FAM227B: variants seen among roughly 807,000 people sequenced by gnomAD.
FAM227B encodes the protein protein FAM227B.
FAM227B carries 88 observed loss-of-function variants against 73.8 expected under a neutral mutation model. The ratio of observed to expected loss-of-function variants is 1.19; its 90% CI spans 1.00 to 1.42. The LOEUF is 1.42. Among genes scored for constraint, FAM227B ranks in the 40% most tolerant of loss-of-function variants. The pLI is 0.00. For missense variants in FAM227B, 632 were observed against 590.9 expected, an observed-to-expected ratio of 1.07 and a Z score of -0.72; for synonymous variants, 210 against 190.5, an observed-to-expected ratio of 1.10 and a Z score of -0.84.
intron 3 of FAM227B, among the ~76,000 whole-genome samples, chr15:49,603,502 T>A (rs1159867815): frequency 8.2e-6 from 1 of 121,572 alleles, no homozygotes; most frequent in African/African-American, 2.6e-5. Flanking sequence ...GCTTACTGAA[T>A]TTTTTTACCA....
chr15:49,618,730 G>A (rs182863430), intron 1 of FAM227B, among the ~76,000 whole-genome samples: 1 of 152,172 alleles, frequency 6.6e-6, no homozygotes, highest in African/African-American at 2.4e-5. Context: ...AGTGGGTAAT[G>A]TCTGAAATTG....
rs548123577 is a variant in FAM227B at position 49,550,542 on chromosome 15, G to A, written c.748-8736C>T. Among the ~76,000 whole-genome samples the A allele has an allele frequency of 8.9e-4, 134 of 150,658 alleles. 5 individuals carry two copies. In the South Asian group the frequency reaches 0.026, roughly 30 times the overall value. On this transcript the variant is annotated intron_variant, in intron 9 of 15. Transcript: ENST00000299338. ...CTTCTCAGATGGGCGGCTGCCAGGC[G>A]GAGGGTCTCCTCACTTCTCAGACGG... is the stretch of plus-strand genomic sequence containing the variant.
chr15:49,472,572 A>C (rs2054873937), intron 11 of FAM227B, among the ~76,000 whole-genome samples: 1 of 152,218 alleles, frequency 6.6e-6, no homozygotes, highest in African/African-American at 2.4e-5. Context: ...TGGAAAAAGG[A>C]GAGAATAAAA....
rs2037930101 is a variant in FAM227B, at chr15:49,328,603, T to C, written c.1492A>G (p.Thr498Ala). Residue 498 changes from threonine to alanine, a missense_variant, in exon 16 of 16, where the codon ACA becomes GCA. Physicochemically the swap from Thr to Ala is moderately conservative, Grantham distance 58. Transcript: ENST00000299338. ...TCTTCCTCAAAGTTGTAGTTGTCTG[T>C]TGATGATGGTGATGATGATGATGAT... is the stretch of plus-strand genomic sequence containing the variant. ...SSSSSSSPSS[T>A]DNYNFEEEEY The C allele has an allele frequency of 1.3e-6, 2 of 1,594,604 alleles. No homozygotes were observed. Among genetic ancestry groups the C allele is most frequent in the African/African-American group, 2.7e-5 (2 of 74,816 alleles).
At chr15:49,517,529 A>G (rs993929165) in intron 10 of FAM227B, among the ~76,000 whole-genome samples, 2 of 152,186 alleles carry the variant, frequency 1.3e-5, no homozygotes, top group African/African-American at 4.8e-5. Flanking sequence ...TGAGAATTAG[A>G]CTCAGAAAAC....
At chr15:49,539,266 T>C (rs1252317665) in intron 10 of FAM227B, among the ~76,000 whole-genome samples, 2 of 152,200 alleles carry the variant, frequency 1.3e-5, no homozygotes, top group African/African-American at 2.4e-5. Context: ...GCAATGGCTG[T>C]GAGGGTTGTT....
At chr15:49,620,580 AAAT>A (rs1298622666) in intron 1 of FAM227B, 117 bp downstream of exon 1, 1 of 152,236 alleles carries the variant, frequency 6.6e-6, no homozygotes, top group Non-Finnish European at 1.5e-5. Flanking sequence ...ACAGCACACG[AAAT>A]AATGATATTG....
chr15:49,355,253 G>T (rs923271982), intron 13 of FAM227B, among the ~76,000 whole-genome samples: 1 of 152,226 alleles, frequency 6.6e-6, no homozygotes, highest in Non-Finnish European at 1.5e-5. Flanking sequence ...TGACTTTGAA[G>T]AGCTCAGAGA....
chr15:49,373,850 C>T (rs2045993338), intron 11 of FAM227B, among the ~76,000 whole-genome samples: 1 of 152,010 alleles, frequency 6.6e-6, no homozygotes, highest in Non-Finnish European at 1.5e-5. Context: ...CTAAACTATA[C>T]AAACAGAAAA....
At chr15:49,362,327 G>A (rs1437899964) in intron 13 of FAM227B, among the ~76,000 whole-genome samples, 2 of 152,078 alleles carry the variant, frequency 1.3e-5, no homozygotes, top group African/African-American at 4.8e-5. Context: ...CTACCACCAC[G>A]TGAAGAAGGT....
intron 11 of FAM227B, among the ~76,000 whole-genome samples, chr15:49,418,944 T>C (rs879319178): frequency 7.2e-5 from 11 of 152,168 alleles, no homozygotes; most frequent in Non-Finnish European, 1.5e-4. Flanking sequence ...TTCTAGGGTT[T>C]CCCTCTTCTG....
chr15:49,328,889 A>G (rs1450841714), intron 15 of FAM227B: 11 of 1,297,804 alleles, frequency 8.5e-6, no homozygotes, highest in Non-Finnish European at 1.1e-5. Context: ...GCCCTGAGCT[A>G]TCTCCATTAC....
intron 7 of FAM227B, 26 bp downstream of exon 7, chr15:49,576,715 T>C (rs760012129): frequency 7.9e-7 from 1 of 1,267,346 alleles, no homozygotes; most frequent in Non-Finnish European, 1.1e-6. Context: ...AAATGTATCC[T>C]ACAATAAAAT....
At chr15:49,422,157 T>C (rs1191766781) in intron 11 of FAM227B, among the ~76,000 whole-genome samples, 1 of 102,324 alleles carries the variant, frequency 9.8e-6, no homozygotes, top group African/African-American at 3.2e-5. Context: ...TGTGTGTGTG[T>C]GTGTGTGCGC....
At chr15:49,465,379 G>A (rs2054177353) in intron 11 of FAM227B, among the ~76,000 whole-genome samples, 1 of 150,134 alleles carries the variant, frequency 6.7e-6, no homozygotes, top group African/African-American at 2.5e-5. Flanking sequence ...CAAGTGATCT[G>A]CCCACCTCGG....
intron 11 of FAM227B, among the ~76,000 whole-genome samples, chr15:49,422,167 C>G (rs146529156): frequency 7.5e-6 from 1 of 132,726 alleles, no homozygotes; most frequent in Admixed American, 7.4e-5. Flanking sequence ...TGTGTGTGCG[C>G]GCGCGCGCGC....
chr15:49,350,602 A>T (rs748995583), intron 13 of FAM227B, among the ~76,000 whole-genome samples: 49 of 152,166 alleles, frequency 3.2e-4, no homozygotes, highest in Admixed American at 7.2e-4. Flanking sequence ...TAAAAGTAAG[A>T]ACAAATGGTT....
chr15:49,330,182 GGGTATAGGCAAACAT>G (rs1186480723), intron 15 of FAM227B: 2 of 152,282 alleles, frequency 1.3e-5, no homozygotes, highest in Non-Finnish European at 2.9e-5. Flanking sequence ...CAAAGCCTAT[GGGTATAGGCAAACAT>G]GGTGTGTGTA....
chr15:49,535,843 G>A (rs1390919960), intron 10 of FAM227B, among the ~76,000 whole-genome samples: 1 of 151,636 alleles, frequency 6.6e-6, no homozygotes, highest in Non-Finnish European at 1.5e-5. Context: ...TGCAAAAAAA[G>A]CATTTGATAA....
Sources: allele counts gnomAD v4.1 joint callset (sites outside exome capture counted in the v4.1 genomes callset), GRCh38; gene constraint gnomAD v4.1.1; transcripts MANE v1.5; gene names NCBI Gene and HGNC (gene_info 2026-07-23, HGNC 2026-07-21).